Variants in DST observed in about 807,000 individuals in gnomAD.
DST encodes the protein dystonin.
In DST, 253 loss-of-function variants were observed where a neutral mutation model predicts 875.2. That is an observed-to-expected ratio of 0.29 (90% CI 0.26 to 0.32). The LOEUF (loss-of-function observed/expected upper bound fraction) is 0.32, where lower values mean the gene tolerates loss of function less well. Among genes scored for constraint, DST ranks in the 10% least tolerant of loss-of-function variants. DST has a pLI of 1.00. For synonymous variants in DST, 3,124 were observed against 3,197.1 expected, an observed-to-expected ratio of 0.98 and a Z score of 0.77; for missense variants, 8,287 against 9,111.6, an observed-to-expected ratio of 0.91 and a Z score of 3.68.
In DST at chr6:56,597,816, T is replaced by A. The variant is rs774893984; in HGVS notation, c.12119A>T (p.Asn4040Ile). 9.9e-6 allele frequency: 16 copies of A among 1,613,984 alleles called. No homozygotes were observed. In the East Asian group the frequency reaches 3.3e-4, roughly 34 times the overall value. ...AIGEEDEVNG[N>I]LLETDVDGQV... ...CCCATCAACATCAGTCTCCAACAGG[T>A]TACCATTAACTTCATCCTCTTCTCC... Residue 4040 changes from asparagine (N) to isoleucine (I), a missense_variant, in exon 47 of 104, where the codon AAC becomes ATC. By Grantham distance (149) the Asn-to-Ile change is moderately radical. Coordinates refer to ENST00000680361, the MANE Select transcript of DST (RefSeq NM_001374736.1).
intron 47 of DST, among the ~76,000 whole-genome samples, chr6:56,597,057 T>C (rs947158902): frequency 2.0e-5 from 3 of 151,974 alleles, no homozygotes; most frequent in Non-Finnish European, 4.4e-5. Flanking sequence ...CTGGGCAACA[T>C]AGAGAGACCT....
At chr6:56,566,571 T>C (rs1437236726) in intron 55 of DST, among the ~76,000 whole-genome samples, 2 of 152,146 alleles carry the variant, frequency 1.3e-5, no homozygotes, top group East Asian at 3.9e-4. Context: ...GGTACCTCAG[T>C]TGGAAATGCA....
chr6:56,878,075 T>C (rs1363615981), intron 3 of DST, among the ~76,000 whole-genome samples: 1 of 152,148 alleles, frequency 6.6e-6, no homozygotes, highest in Admixed American at 6.5e-5. Flanking sequence ...ATGTACGCAA[T>C]GCCCTGTGCT....
rs150155934 is a variant in DST, at chr6:56,635,502, C to T, written c.3186+87G>A. 15,678 of 1,330,194 alleles carry T rather than the reference C, an allele frequency of 0.012. 121 individuals are homozygous for T. Among genetic ancestry groups the T allele is most frequent in the Non-Finnish European group, 0.015 (14,143 of 940,586 alleles). The allele number at this position is 1,330,194 out of a possible 1,614,324, so 82.4% of individuals were successfully genotyped here. ...GAATTAGTGGGAAATATCAAGAGTG[C>T]CAATAAAATACAAAGTTCTGCTCAT... On this transcript the variant is annotated intron_variant, in intron 24 of 103. Coordinates refer to ENST00000680361, the MANE Select transcript of DST (RefSeq NM_001374736.1).
At chr6:56,890,063 T>C (rs977813271) in intron 3 of DST, among the ~76,000 whole-genome samples, 1 of 151,886 alleles carries the variant, frequency 6.6e-6, no homozygotes, top group Non-Finnish European at 1.5e-5. Context: ...AGGATAAATG[T>C]CTAGCACTAG....
chr6:56,463,207 CA>C (rs2094424034), intron 101 of DST, 51 bp from the exon 102 acceptor site: 4 of 1,086,452 alleles, frequency 3.7e-6, no homozygotes, highest in Non-Finnish European at 4.2e-6. Context: ...ATAAAAAAAA[CA>C]AAGCCACAGA....
rs544327450 is a variant in DST, at chr6:56,578,882, G to A, written c.12959C>T (p.Thr4320Met). ...CCTGGCATCTAAAAGCACTTCAGCC[G>A]TTTTCTTCAGTTTCTCTACAGCAAC... Reference protein sequence around the residue: ...QQVAVEKLKKTAEVLLDARGS... With the variant: ...QQVAVEKLKKMAEVLLDARGS... Residue 4320 changes from threonine to methionine, a missense_variant, in exon 50 of 104, where the codon ACG becomes ATG. This residue lies in a region of DST where 1,513 missense variants were observed against 1,677.8 expected (regional missense o/e 0.90). Transcript: ENST00000680361. 193 of 1,607,506 alleles carry A rather than the reference G, an allele frequency of 1.2e-4. No individual in the cohort carries two copies. The highest frequency in any genetic ancestry group is 1.6e-4 in the Middle Eastern group (1 of 6,072).
At chr6:56,826,500 A>G (rs1419007453) in intron 4 of DST, among the ~76,000 whole-genome samples, 2 of 152,184 alleles carry the variant, frequency 1.3e-5, no homozygotes, top group Non-Finnish European at 2.9e-5. Flanking sequence ...CTTGTTCTTG[A>G]GAGCTAACCA....
intron 4 of DST, among the ~76,000 whole-genome samples, chr6:56,770,861 A>T (rs1005093532): frequency 2.0e-5 from 3 of 152,036 alleles, no homozygotes; most frequent in African/African-American, 7.2e-5. Context: ...TTACCTGTGC[A>T]TGGTGGTGCA....
At position 56,824,263 on chromosome 6, in the gene DST, G is replaced by A. The variant is rs146989085; in HGVS notation, c.625+27134C>T. 2.8e-4 allele frequency among the ~76,000 whole-genome samples: 42 copies of A among 152,306 alleles called. 1 individual carries two copies. The East Asian group carries it at 5.6e-3, about 20-fold the overall frequency. Reference sequence around the variant, plus strand: ...TAACCGCGAGTGATCCGCCAGCCTCGGCCTCTCGAGGTGCCGGGATTGCAG... The same window carrying A: ...TAACCGCGAGTGATCCGCCAGCCTCAGCCTCTCGAGGTGCCGGGATTGCAG... On this transcript the variant is annotated intron_variant, in intron 4 of 103. Coordinates refer to ENST00000680361, the MANE Select transcript of DST (RefSeq NM_001374736.1).
chr6:56,618,397 T>C (rs746312468), intron 36 of DST: 1 of 1,614,204 alleles, frequency 6.2e-7, no homozygotes, highest in Non-Finnish European at 8.5e-7. Flanking sequence ...CAAAATCTGG[T>C]TTGAAGGTAC....
At chr6:56,512,163 T>C (rs921002711) in intron 72 of DST, among the ~76,000 whole-genome samples, 2 of 152,216 alleles carry the variant, frequency 1.3e-5, no homozygotes, top group Non-Finnish European at 2.9e-5. Flanking sequence ...TACTGAGCAT[T>C]GTTTGTAAGG....
intron 64 of DST, among the ~76,000 whole-genome samples, chr6:56,530,879 A>C (rs1389252699): frequency 6.6e-6 from 1 of 152,194 alleles, no homozygotes; most frequent in Non-Finnish European, 1.5e-5. Context: ...ATTCAGTATC[A>C]AATCCTGTAT....
At position 56,605,667 on chromosome 6, in the gene DST, T is replaced by G; in HGVS notation, c.8961A>C (p.Thr2987=). ...GATCAAGAGATGAGTCAACTTTTGG[T>G]GTCATATTCTTAAAATATTCATCTT... ...KGKDEYFKNM[T]PKVDSSLDHI... The change falls in exon 40 of 104, where the codon ACA becomes ACC. Residue 2987 remains threonine (T), a synonymous_variant. Coordinates refer to ENST00000680361, the MANE Select transcript of DST (RefSeq NM_001374736.1). The G allele has an allele frequency of 1.2e-6, 2 of 1,612,990 alleles. No individual in the cohort carries two copies. Among genetic ancestry groups the G allele is most frequent in the Non-Finnish European group, 8.5e-7 (1 of 1,179,368 alleles).
intron 4 of DST, among the ~76,000 whole-genome samples, chr6:56,802,809 C>G (rs533585285): frequency 3.3e-5 from 5 of 152,210 alleles, no homozygotes; most frequent in African/African-American, 1.2e-4. Flanking sequence ...TGGAAGCCAG[C>G]CAAACCAATA....
At chr6:56,711,182 G>A (rs773357842) in intron 5 of DST, among the ~76,000 whole-genome samples, 2 of 152,020 alleles carry the variant, frequency 1.3e-5, no homozygotes, top group African/African-American at 2.4e-5. Context: ...TCACCACAAG[G>A]TGGAACTAGG....
Position 56,670,805 on chromosome 6 carries a change from T to C in DST, c.1050A>G (p.Ile350Met). The C allele has an allele frequency of 1.9e-6, 3 of 1,583,468 alleles. No homozygotes were observed. Among genetic ancestry groups the C allele is most frequent in the Non-Finnish European group, 2.6e-6 (3 of 1,165,792 alleles). ...ACTCTCCAGTAACATGGATATCAGA[T>C]ATCTAGATATAACAGAAAGTGTTAA... ...LIWTIILHFQ[I>M]SDIHVTGESE... The change falls in exon 10 of 104, where the codon ATA (isoleucine) becomes ATG (methionine). Residue 350 changes from isoleucine (I) to methionine (M), a missense_variant and splice_region_variant. Coordinates refer to ENST00000680361, the MANE Select transcript of DST (RefSeq NM_001374736.1).
At chr6:56,915,010 G>C (rs754849652) in intron 2 of DST, among the ~76,000 whole-genome samples, 7 of 152,194 alleles carry the variant, frequency 4.6e-5, no homozygotes, top group Non-Finnish European at 7.3e-5. Flanking sequence ...TCAGCAACGG[G>C]CCCACAGCCC....
intron 55 of DST, among the ~76,000 whole-genome samples, chr6:56,567,752 A>G (rs1355976616): frequency 6.6e-6 from 1 of 152,140 alleles, no homozygotes; most frequent in Admixed American, 6.5e-5. Context: ...TAGATACCCC[A>G]CAGAGGATAC....
Sources: gnomAD v4.1 joint callset for allele counts (sites outside exome capture counted in the v4.1 genomes callset) on GRCh38, gnomAD v4.1.1 for gene constraint, gnomAD v4.1.1 regional missense constraint, MANE v1.5 for transcripts, NCBI Gene and HGNC (gene_info 2026-07-23, HGNC 2026-07-21) for gene names.